Variants in STX8 observed in about 807,000 individuals in gnomAD.
STX8 encodes the protein syntaxin 8.
In STX8, 23 loss-of-function variants were observed where a neutral mutation model predicts 37.5. The observed-to-expected ratio is 0.61, with a 90% CI of 0.44 to 0.87. The LOEUF (loss-of-function observed/expected upper bound fraction) is 0.87, where lower values mean the gene tolerates loss of function less well. Ranked by LOEUF, STX8 falls within the 40% of genes least tolerant of loss-of-function variation. The probability of loss-of-function intolerance (pLI) is 0.00; values close to 1 mark genes in which losing one functional copy is unlikely to be tolerated. For missense variants in STX8, 313 were observed against 284.7 expected, an observed-to-expected ratio of 1.10 and a Z score of -0.71; for synonymous variants, 115 against 99.1, an observed-to-expected ratio of 1.16 and a Z score of -0.95.
intron 6 of STX8, among the ~76,000 whole-genome samples, chr17:9,439,116 G>T (rs1904548962): frequency 6.6e-6 from 1 of 151,670 alleles, no homozygotes; most frequent in Admixed American, 6.6e-5. Context: ...CTTGGCTCAT[G>T]ACCTGTACAA....
chr17:9,288,857 G>T (rs1908199552), intron 7 of STX8, among the ~76,000 whole-genome samples: 1 of 152,058 alleles, frequency 6.6e-6, no homozygotes, highest in South Asian at 2.1e-4. Flanking sequence ...AAAGAAAAGA[G>T]AAAACACAGG....
intron 7 of STX8, among the ~76,000 whole-genome samples, chr17:9,362,837 A>AT (rs1911106137): frequency 1.6e-5 from 2 of 121,824 alleles, no homozygotes; most frequent in African/African-American, 1.0e-4. Flanking sequence ...TCAAAAAAAA[A>AT]AAAAAATAAA....
At chr17:9,460,717 C>T (rs1251636307) in intron 6 of STX8, among the ~76,000 whole-genome samples, 3 of 144,174 alleles carry the variant, frequency 2.1e-5, no homozygotes, top group Admixed American at 1.4e-4. Context: ...TTCACAACAA[C>T]AACATATCTT....
At chr17:9,395,528 A>G (rs1356168862) in intron 6 of STX8, among the ~76,000 whole-genome samples, 1 of 152,170 alleles carries the variant, frequency 6.6e-6, no homozygotes, top group Non-Finnish European at 1.5e-5. Context: ...CAGTGAGCCC[A>G]GATCGCACCA....
intron 7 of STX8, among the ~76,000 whole-genome samples, chr17:9,260,523 C>T (rs945792815): frequency 1.1e-4 from 17 of 152,146 alleles, no homozygotes; most frequent in African/African-American, 4.1e-4. Flanking sequence ...ACTCAGGAGG[C>T]TGAGGCAGGA....
intron 1 of STX8, among the ~76,000 whole-genome samples, chr17:9,574,152 T>A (rs1907798508): frequency 6.6e-6 from 1 of 151,600 alleles, no homozygotes; most frequent in Non-Finnish European, 1.5e-5. Flanking sequence ...GCGCCTGTAG[T>A]CCCAGCTACT....
At chr17:9,255,633 G>C (rs990795013) in intron 7 of STX8, among the ~76,000 whole-genome samples, 4 of 152,088 alleles carry the variant, frequency 2.6e-5, no homozygotes, top group Non-Finnish European at 4.4e-5. Context: ...AAGCTGATAA[G>C]ATGTGATAAA....
At chr17:9,403,397 A>G (rs1912693431) in intron 6 of STX8, among the ~76,000 whole-genome samples, 1 of 152,210 alleles carries the variant, frequency 6.6e-6, no homozygotes, top group Non-Finnish European at 1.5e-5. Context: ...ATAGAACAAT[A>G]AACACTGATT....
At chr17:9,393,386 G>T (rs1375298247) in intron 6 of STX8, among the ~76,000 whole-genome samples, 1 of 152,196 alleles carries the variant, frequency 6.6e-6, no homozygotes, top group Non-Finnish European at 1.5e-5. Flanking sequence ...AACGATACCA[G>T]TAGGAAACCT....
At chr17:9,399,002 T>C (rs1476376869) in intron 6 of STX8, among the ~76,000 whole-genome samples, 2 of 145,480 alleles carry the variant, frequency 1.4e-5, no homozygotes, top group African/African-American at 5.1e-5. Context: ...TGAGCCAAGA[T>C]GGTACCCCTG....
chr17:9,430,794 C>T lies in STX8; in HGVS notation c.542-52141G>A, dbSNP rs1415467780. On this transcript the variant is annotated intron_variant, in intron 6 of 7. Transcript: ENST00000306357. The stretch of plus-strand genomic sequence containing the variant: ...CCTCCCAAGTAGCTGGGACTACAGG[C>T]GACCGCCACCATGCCTGGCTAATTT... Among the ~76,000 whole-genome samples, 9 of 151,948 alleles carry T rather than the reference C, an allele frequency of 5.9e-5. No individual in the cohort carries two copies. In the South Asian group the frequency reaches 1.7e-3, roughly 28 times the overall value.
chr17:9,371,481 C>T (rs1911399914), intron 7 of STX8, among the ~76,000 whole-genome samples: 1 of 152,202 alleles, frequency 6.6e-6, no homozygotes, highest in Non-Finnish European at 1.5e-5. Context: ...TGGCTTTGCA[C>T]TTGAGAAGAG....
At chr17:9,505,239 G>C in intron 4 of STX8, 77 bp from the exon 5 acceptor site, 1 of 1,527,820 alleles carries the variant, frequency 6.5e-7, no homozygotes, top group Admixed American at 2.0e-5. Flanking sequence ...AAGTGCAGAG[G>C]TGGCCAGCCT....
chr17:9,379,224 G>A (rs1312693141), intron 6 of STX8, among the ~76,000 whole-genome samples: 5 of 135,680 alleles, frequency 3.7e-5, no homozygotes, highest in African/African-American at 1.4e-4. Context: ...CAGCCTGGGT[G>A]ACAGAACAAG....
chr17:9,381,683 A>T (rs1911824468), intron 6 of STX8, among the ~76,000 whole-genome samples: 1 of 152,238 alleles, frequency 6.6e-6, no homozygotes, highest in African/African-American at 2.4e-5. Flanking sequence ...GAAAAGATAA[A>T]GACAATGAAT....
intron 6 of STX8, among the ~76,000 whole-genome samples, chr17:9,465,447 A>G (rs1236055801): frequency 1.3e-5 from 2 of 152,160 alleles, no homozygotes; most frequent in Admixed American, 1.3e-4. Context: ...AATTTGCCTC[A>G]GTGAACCCTG....
chr17:9,545,406 G>A lies in STX8; in HGVS notation c.213-124C>T, dbSNP rs532608834. On this transcript the variant is annotated intron_variant, in intron 3 of 7. Coordinates refer to ENST00000306357, the MANE Select transcript of STX8 (RefSeq NM_004853.3). ...ACTGTAATCACTACTACCCAGAAGG[G>A]ATGCGCACCACTCTTGCGTTTTTCC... The A allele has an allele frequency of 1.2e-3, 789 of 668,880 alleles. 4 individuals carry two copies. In the African/African-American group the frequency reaches 0.013, roughly 11 times the overall value. The allele number at this position is 668,880 out of a possible 1,614,324, so 41.4% of individuals were successfully genotyped here.
At chr17:9,482,462 C>CT (rs1157128957) in intron 6 of STX8, among the ~76,000 whole-genome samples, 2 of 152,104 alleles carry the variant, frequency 1.3e-5, no homozygotes, top group Admixed American at 6.5e-5. Context: ...TTGGGGAATT[C>CT]TGATATCAGA....
intron 7 of STX8, among the ~76,000 whole-genome samples, chr17:9,255,085 T>C (rs986380215): frequency 1.3e-5 from 2 of 152,180 alleles, no homozygotes; most frequent in African/African-American, 4.8e-5. Context: ...AGACCTTTCA[T>C]AGTACAGTTT....
Sources: allele counts gnomAD v4.1 joint callset (sites outside exome capture counted in the v4.1 genomes callset), GRCh38; gene constraint gnomAD v4.1.1; transcripts MANE v1.5; gene names NCBI Gene and HGNC (gene_info 2026-07-23, HGNC 2026-07-21).